The following C5orf63 variants were observed in gnomAD, a reference collection of about 807,000 sequenced individuals.
The protein encoded by C5orf63 is chromosome 5 open reading frame 63, also known as glutaredoxin-like protein C5orf63.
Under a neutral mutation model 13.3 loss-of-function variants are expected in C5orf63, and 18 were observed. The observed-to-expected ratio is 1.36, with a 90% confidence interval of 0.94 to 2.01. The LOEUF is 2.01. Among genes scored for constraint, C5orf63 ranks in the 30% most tolerant of loss-of-function variants. The pLI is 0.00. For missense variants in C5orf63, 118 were observed against 127.7 expected (o/e 0.92, Z 0.36); for synonymous variants, 38 against 44.7 (o/e 0.85, Z 0.60).
At chr5:127,072,413 T>C (rs1250704267) in intron 1 of C5orf63, among the ~76,000 whole-genome samples, 1 of 152,234 alleles carries the variant, frequency 6.6e-6, no homozygotes, top group African/African-American at 2.4e-5. Flanking sequence ...TTTTATAAGC[T>C]AGTCCTCAGA....
chr5:127,060,825 C>T (rs977915845), intron 2 of C5orf63, among the ~76,000 whole-genome samples: 11 of 152,182 alleles, frequency 7.2e-5, no homozygotes, highest in Admixed American at 3.9e-4. Flanking sequence ...TGTTAGTCAG[C>T]CCAACACTCC....
At chr5:127,050,016 G>A (rs1417606552), downstream of C5orf63, among the ~76,000 whole-genome samples, 1 of 152,186 alleles carries the variant, frequency 6.6e-6, no homozygotes. Context: ...TTCACATGAT[G>A]CTTGCTTTCT....
At chr5:127,068,940 G>T (rs1402909328) in intron 2 of C5orf63, among the ~76,000 whole-genome samples, 1 of 152,158 alleles carries the variant, frequency 6.6e-6, no homozygotes, top group Non-Finnish European at 1.5e-5. Context: ...AATGGGGTTT[G>T]CACACACTAC....
At chr5:127,062,063 AG>A (rs1217441431) in intron 2 of C5orf63, among the ~76,000 whole-genome samples, 1 of 152,240 alleles carries the variant, frequency 6.6e-6, no homozygotes, top group Non-Finnish European at 1.5e-5. Flanking sequence ...TGAAGTATTA[AG>A]GCTTTTTTAA....
At chr5:127,056,675 T>C (rs1490193904) in intron 3 of C5orf63, among the ~76,000 whole-genome samples, 1 of 152,138 alleles carries the variant, frequency 6.6e-6, no homozygotes, top group Non-Finnish European at 1.5e-5. Flanking sequence ...AGCCAAACCA[T>C]ATCACATGAG....
At chr5:127,071,775 T>C (rs1754552848) in intron 1 of C5orf63, 90 bp from the exon 2 acceptor site, 3 of 152,202 alleles carry the variant, frequency 2.0e-5, no homozygotes. Flanking sequence ...GGTCCTGCTA[T>C]GTTTGAAACC....
chr5:127,052,176 A>T (rs547041056), intron 4 of C5orf63, among the ~76,000 whole-genome samples: 8 of 152,350 alleles, frequency 5.3e-5, no homozygotes, highest in African/African-American at 1.9e-4. Flanking sequence ...TACATTCAGC[A>T]TCAGGACAGT....
chr5:127,053,441 C>T (rs1342117902), intron 3 of C5orf63, among the ~76,000 whole-genome samples: 3 of 150,676 alleles, frequency 2.0e-5, no homozygotes, highest in African/African-American at 7.3e-5. Flanking sequence ...TATATTATAC[C>T]TTTTTATTAT....
chr5:127,051,927 G>T lies in C5orf63; in HGVS notation c.192C>A (p.Asn64Lys), dbSNP rs766380686. 6.6e-7 allele frequency: 1 copy of T among 1,513,530 alleles called. No homozygotes were observed. The highest frequency in any genetic ancestry group is 1.3e-5 in the South Asian group (1 of 79,576). 93.8% of individuals were successfully genotyped at this position (1,513,530 alleles called of 1,614,324 possible). Reference protein sequence around the residue: ...YENRFILQEVNITLPENSVWY... With the variant: ...YENRFILQEVKITLPENSVWY... ...AGACAGAGTTTTCTGGAAGTGTGATGTTCACCTCCTGTAAAATGAACTGAA... is the reference window on the plus strand; with the variant it reads ...AGACAGAGTTTTCTGGAAGTGTGATTTTCACCTCCTGTAAAATGAACTGAA... Residue 64 changes from asparagine (N) to lysine (K), a missense_variant, in exon 5 of 5, where the codon AAC (asparagine) becomes AAA (lysine). Physicochemically the swap from Asn to Lys is moderately conservative, Grantham distance 94. Transcript: ENST00000296662.
At chr5:127,067,906 A>C (rs1053450939) in intron 2 of C5orf63, among the ~76,000 whole-genome samples, 1 of 152,226 alleles carries the variant, frequency 6.6e-6, no homozygotes, top group African/African-American at 2.4e-5. Flanking sequence ...CACAGCTCCT[A>C]CTAACTAATC....
chr5:127,046,319 C>T (rs1359892814), downstream of C5orf63: 1 of 152,238 alleles, frequency 6.6e-6, no homozygotes, highest in Non-Finnish European at 1.5e-5. Flanking sequence ...AGAATCCATG[C>T]TTTCTCTCTA....
rs550066746 is a variant in C5orf63 at position 127,051,368 on chromosome 5, T to C, written c.*403A>G. On this transcript the variant is annotated 3_prime_UTR_variant, in exon 5 of 5. Coordinates refer to ENST00000296662, the MANE Select transcript of C5orf63 (RefSeq NM_001164478.2). ...TTAACAATTCACATTTCACTTTATCTACTGAGTGGAAGAGCATTTATTCTT... is the reference window on the plus strand; with the variant it reads ...TTAACAATTCACATTTCACTTTATCCACTGAGTGGAAGAGCATTTATTCTT... 3 of 1,232,040 alleles carry C rather than the reference T, an allele frequency of 2.4e-6. No homozygotes were observed. The Admixed American group carries it at 1.3e-4, about 52-fold the overall frequency. The allele number at this position is 1,232,040 out of a possible 1,614,324, so 76.3% of individuals were successfully genotyped here.
chr5:127,057,086 G>A (rs967509607), intron 3 of C5orf63, among the ~76,000 whole-genome samples: 3 of 152,176 alleles, frequency 2.0e-5, no homozygotes, highest in African/African-American at 7.2e-5. Flanking sequence ...CCAGCCTTAA[G>A]GGATTATTTA....
intron 2 of C5orf63, among the ~76,000 whole-genome samples, chr5:127,063,041 T>G (rs993329964): frequency 2.6e-5 from 4 of 151,682 alleles, no homozygotes; most frequent in African/African-American, 9.7e-5. Flanking sequence ...AAGATTGGAT[T>G]TAGAATGTGC....
chr5:127,043,732 T>C (rs1029594469), downstream of C5orf63: 1 of 152,224 alleles, frequency 6.6e-6, no homozygotes, highest in African/African-American at 2.4e-5. Context: ...TATGCATCAA[T>C]GCCCATTTTC....
chr5:127,064,696 G>C (rs1481815623), intron 2 of C5orf63, among the ~76,000 whole-genome samples: 6 of 152,208 alleles, frequency 3.9e-5, no homozygotes, highest in Admixed American at 2.0e-4. Context: ...TCAGTCTCCA[G>C]AAAGGATTGG....
At chr5:127,047,707 C>T, downstream of C5orf63, 1 of 703,954 alleles carries the variant, frequency 1.4e-6, no homozygotes, top group Middle Eastern at 2.3e-4. Context: ...CATATCAGGA[C>T]TCTTGAACAT....
downstream of C5orf63, among the ~76,000 whole-genome samples, chr5:127,050,752 T>C (rs765029545): frequency 2.0e-5 from 3 of 152,202 alleles, no homozygotes; most frequent in Admixed American, 6.5e-5. Flanking sequence ...GACTGAATCA[T>C]CCTGATCAAA....
exon 5 of C5orf63, chr5:127,046,106 C>T (rs766570822): frequency 3.3e-5 from 5 of 152,216 alleles, no homozygotes; most frequent in Non-Finnish European, 5.9e-5. Flanking sequence ...TATACCTTAA[C>T]CCCAGACCTT....
Sources: gnomAD v4.1 joint callset for allele counts (sites outside exome capture counted in the v4.1 genomes callset) on GRCh38, gnomAD v4.1.1 for gene constraint, MANE v1.5 for transcripts, NCBI Gene and HGNC (gene_info 2026-07-23, HGNC 2026-07-21) for gene names.